Variants in OLFM1 observed in about 807,000 individuals in gnomAD.
The protein encoded by OLFM1 is noelin.
In OLFM1, 9 loss-of-function variants were observed where a neutral mutation model predicts 49.7. The observed-to-expected ratio is 0.18, with a 90% CI of 0.11 to 0.32. The LOEUF (loss-of-function observed/expected upper bound fraction) is 0.32. Ranked by LOEUF, OLFM1 falls within the 10% of genes least tolerant of loss-of-function variation. The pLI, the probability that OLFM1 is intolerant of heterozygous loss-of-function variation, is 1.00. For missense variants in OLFM1, 369 were observed against 661.8 expected, an observed-to-expected ratio of 0.56 and a Z score of 4.85; for synonymous variants, 240 against 271.8, an observed-to-expected ratio of 0.88 and a Z score of 1.15.
At position 135,120,259 on chromosome 9, in the gene OLFM1, A is replaced by G; in HGVS notation, c.*81A>G. ...AAACTGCTGCCAAAAAGATACCAAT[A>G]ACACTAACAATACCGATCTTGAAAA... On this transcript the variant is annotated 3_prime_UTR_variant, in exon 6 of 6. Coordinates refer to ENST00000371793, the MANE Select transcript of OLFM1 (RefSeq NM_001282611.2). 8.5e-7 allele frequency: 1 copy of G among 1,176,398 alleles called. No individual in the cohort carries two copies. The highest frequency in any genetic ancestry group is 1.2e-6 in the Non-Finnish European group (1 of 829,852). The allele number at this position is 1,176,398 out of a possible 1,614,324, so 72.9% of individuals were successfully genotyped here.
intron 4 of OLFM1, among the ~76,000 whole-genome samples, chr9:135,101,644 G>C (rs995473572): frequency 3.3e-5 from 5 of 152,236 alleles, no homozygotes; most frequent in African/African-American, 4.8e-5. Flanking sequence ...TTGTTGCCAG[G>C]CAAGGGGAGA....
intron 1 of OLFM1, chr9:135,076,890 G>A (rs1183746087): frequency 1.3e-5 from 20 of 1,550,514 alleles, no homozygotes; most frequent in African/African-American, 9.6e-5. Context: ...GACACTGAAC[G>A]AGCTTCCCTT....
At chr9:135,111,251 C>T (rs117356059) in intron 5 of OLFM1, among the ~76,000 whole-genome samples, 1,686 of 152,324 alleles carry the variant, frequency 0.011, 23 homozygotes, top group South Asian at 0.071. Context: ...AGAACCCACC[C>T]GTTGCTTTAT....
intron 1 of OLFM1, among the ~76,000 whole-genome samples, chr9:135,081,879 G>A (rs190342827): frequency 6.6e-6 from 1 of 152,356 alleles, no homozygotes; most frequent in African/African-American, 2.4e-5. Flanking sequence ...TGCGGGTCCG[G>A]TGACCCCCTT....
intron 3 of OLFM1, chr9:135,097,818 TGAA>T: frequency 6.2e-7 from 1 of 1,613,490 alleles, no homozygotes; most frequent in Non-Finnish European, 8.5e-7. Flanking sequence ...CTGCAGTGAC[TGAA>T]GAAGCAGTCC....
chr9:135,075,923 C>T, intron 1 of OLFM1: 1 of 1,397,118 alleles, frequency 7.2e-7, no homozygotes, highest in Non-Finnish European at 9.3e-7. Flanking sequence ...CCTGGGCGCC[C>T]GAAGTGCCGG....
At chr9:135,090,087 C>T in intron 1 of OLFM1, 108 bp from the exon 2 acceptor site, 1 of 1,040,066 alleles carries the variant, frequency 9.6e-7, no homozygotes. Flanking sequence ...CCCATCTTTT[C>T]CTTGGGGGTG....
At chr9:135,076,917 C>A (rs761188133) in intron 1 of OLFM1, 16 of 1,550,538 alleles carry the variant, frequency 1.0e-5, no homozygotes, top group Admixed American at 2.0e-5. Flanking sequence ...CCTGGAAGCC[C>A]ACGCTGGCTC....
At chr9:135,102,434 A>C (rs946441387) in intron 4 of OLFM1, among the ~76,000 whole-genome samples, 2 of 152,186 alleles carry the variant, frequency 1.3e-5, no homozygotes, top group Non-Finnish European at 2.9e-5. Flanking sequence ...ACAGGGGAGG[A>C]AATAAACCAA....
rs535529644 is a variant in OLFM1 at position 135,103,105 on chromosome 9, C to CA, written c.677-3642dup. Among the ~76,000 whole-genome samples the CA allele has an allele frequency of 2.6e-4, 39 of 152,326 alleles. No individual in the cohort carries two copies. In the South Asian group the frequency reaches 7.7e-3, roughly 30 times the overall value. On this transcript the variant is annotated intron_variant, in intron 4 of 5. Transcript: ENST00000371793. ...CCTCCAGCTGAGCATGCTGGCCCTC[C>CA]AAGCCCAGGCCTTCCTAGGAGAGAG...
At chr9:135,091,617 TCA>T (rs777662989) in intron 2 of OLFM1, among the ~76,000 whole-genome samples, 10 of 38,542 alleles carry the variant, frequency 2.6e-4, no homozygotes, top group African/African-American at 8.9e-4. Flanking sequence ...AGTCACACAG[TCA>T]CACACACTCA....
chr9:135,110,792 G>A (rs753486061), intron 5 of OLFM1, among the ~76,000 whole-genome samples: 8 of 152,162 alleles, frequency 5.3e-5, no homozygotes, highest in South Asian at 2.1e-4. Context: ...GCTACGGGCC[G>A]CTTTAGAGTG....
At chr9:135,091,674 C>CACAG (rs879648450) in intron 2 of OLFM1, among the ~76,000 whole-genome samples, 1 of 39,500 alleles carries the variant, frequency 2.5e-5, no homozygotes, top group South Asian at 9.0e-4. Context: ...CAGTCACACA[C>CACAG]TCACACATAG....
At chr9:135,097,439 C>T (rs1830815169) in intron 3 of OLFM1, among the ~76,000 whole-genome samples, 1 of 152,162 alleles carries the variant, frequency 6.6e-6, no homozygotes, top group Admixed American at 6.5e-5. Context: ...CCAGCAGACT[C>T]CTCTAACGAG....
intron 4 of OLFM1, among the ~76,000 whole-genome samples, chr9:135,100,433 A>G (rs1271697126): frequency 6.6e-6 from 1 of 152,174 alleles, no homozygotes; most frequent in Non-Finnish European, 1.5e-5. Context: ...GTAAAGAGAG[A>G]GGGTTAACAG....
intron 2 of OLFM1, among the ~76,000 whole-genome samples, chr9:135,092,591 G>A (rs1359462560): frequency 2.6e-5 from 4 of 152,192 alleles, no homozygotes; most frequent in African/African-American, 9.7e-5. Flanking sequence ...CCTCTGGGCT[G>A]TGGGGGCCGG....
At chr9:135,090,816 A>T (rs997812140) in intron 2 of OLFM1, among the ~76,000 whole-genome samples, 2 of 152,036 alleles carry the variant, frequency 1.3e-5, no homozygotes, top group Admixed American at 1.3e-4. Context: ...ACGAGATGAG[A>T]TCTTTTTTCT....
chr9:135,106,033 G>A, intron 4 of OLFM1: 1 of 152,718 alleles, frequency 6.5e-6, no homozygotes, highest in Non-Finnish European at 1.5e-5. Flanking sequence ...GCCCGGGTGT[G>A]TCCCTCCTCA....
At chr9:135,093,269 C>T (rs10858333) in intron 2 of OLFM1, among the ~76,000 whole-genome samples, 54,563 of 151,986 alleles carry the variant, frequency 0.36, 11,394 homozygotes, top group Middle Eastern at 0.53. Context: ...TAGTGGCAGG[C>T]GTGTGGCACG....
Sources: allele counts gnomAD v4.1 joint callset (sites outside exome capture counted in the v4.1 genomes callset), GRCh38; gene constraint gnomAD v4.1.1; transcripts MANE v1.5; gene names NCBI Gene and HGNC (gene_info 2026-07-23, HGNC 2026-07-21).